RTTN: variants seen among roughly 807,000 people sequenced by gnomAD.
RTTN encodes the protein rotatin.
Under a neutral mutation model 269.2 loss-of-function variants are expected in RTTN, and 182 were observed. That is an observed-to-expected ratio of 0.68 (90% CI 0.60 to 0.76). The LOEUF is 0.76. Among genes scored for constraint, RTTN ranks in the 30% least tolerant of loss-of-function variants. The probability of loss-of-function intolerance (pLI) is 0.00; values close to 1 mark genes in which losing one functional copy is unlikely to be tolerated. For missense variants in RTTN, 2,545 were observed against 2,608.6 expected, an observed-to-expected ratio of 0.98 and a Z score of 0.53; for synonymous variants, 1,006 against 963.5, an observed-to-expected ratio of 1.04 and a Z score of -0.82.
rs1172875915 is a variant in RTTN, at chr18:70,005,391, G to C, written c.6526-124C>G. On this transcript the variant is annotated intron_variant, in intron 47 of 48. Coordinates refer to ENST00000640769, the MANE Select transcript of RTTN (RefSeq NM_173630.4). ...ATTATGAAATATAATAATATAACTA[G>C]AGAGTTCCATCTTAGCATAATACAT... 5.1e-6 allele frequency: 3 copies of C among 587,624 alleles called. No homozygotes were observed. In the East Asian group the frequency reaches 9.1e-5, roughly 18 times the overall value. The allele number at this position is 587,624 out of a possible 1,614,324, so 36.4% of individuals were successfully genotyped here. A position where few individuals can be genotyped will look rare whatever the true frequency, so the allele number is the denominator to read the frequency against.
At chr18:70,188,320 G>A in intron 9 of RTTN, 97 bp from the exon 10 acceptor site, 1 of 674,392 alleles carries the variant, frequency 1.5e-6, no homozygotes, top group Non-Finnish European at 2.6e-6. Flanking sequence ...AGTTAGTCAT[G>A]CTCCAACATT....
chr18:70,202,096 T>A, intron 3 of RTTN, 113 bp from the exon 4 acceptor site: 1 of 605,348 alleles, frequency 1.7e-6, no homozygotes. Context: ...TTTTAAAAAT[T>A]AAAAAAAAGT....
chr18:70,105,369 T>C (rs1599571920), intron 28 of RTTN, among the ~76,000 whole-genome samples: 1 of 152,220 alleles, frequency 6.6e-6, no homozygotes, highest in South Asian at 2.1e-4. Flanking sequence ...AGGGTGGAAG[T>C]GTCCCAATTT....
intron 20 of RTTN, 179 bp from the exon 21 acceptor site, chr18:70,139,895 A>G (rs141477580): frequency 2.0e-4 from 127 of 620,632 alleles, no homozygotes; most frequent in Middle Eastern, 1.4e-3. Flanking sequence ...ATATACTTCT[A>G]TCACCTATCT....
chr18:70,101,911 T>C, intron 28 of RTTN, among the ~76,000 whole-genome samples: 1 of 152,242 alleles, frequency 6.6e-6, no homozygotes, highest in South Asian at 2.1e-4. Flanking sequence ...TAATCCTGAG[T>C]TCCAGTTTGA....
intron 3 of RTTN, among the ~76,000 whole-genome samples, chr18:70,202,280 A>G (rs2061973814): frequency 6.6e-6 from 1 of 152,170 alleles, no homozygotes; most frequent in Non-Finnish European, 1.5e-5. Flanking sequence ...ATCCCTCTCT[A>G]CTTCCTAATC....
intron 30 of RTTN, among the ~76,000 whole-genome samples, chr18:70,089,534 C>G (rs1342390840): frequency 1.3e-5 from 2 of 152,134 alleles, no homozygotes; most frequent in African/African-American, 4.8e-5. Flanking sequence ...GGGGATGCTG[C>G]TGAAACAAAT....
intron 10 of RTTN, among the ~76,000 whole-genome samples, chr18:70,182,802 A>G (rs1486232571): frequency 6.6e-6 from 1 of 152,188 alleles, no homozygotes; most frequent in East Asian, 1.9e-4. Flanking sequence ...AATATTACTT[A>G]TCAAAACACT....
chr18:70,073,590 A>C (rs770379756), intron 34 of RTTN, among the ~76,000 whole-genome samples: 6 of 152,170 alleles, frequency 3.9e-5, no homozygotes, highest in Non-Finnish European at 8.8e-5. Context: ...TCTCAACTAA[A>C]GGGATATTCA....
At chr18:70,168,489 A>C (rs1330521344) in intron 12 of RTTN, among the ~76,000 whole-genome samples, 1 of 152,194 alleles carries the variant, frequency 6.6e-6, no homozygotes, top group Non-Finnish European at 1.5e-5. Context: ...AAATATGTCT[A>C]CAAGTAAGCA....
At chr18:70,202,554 C>A (rs1031273324) in intron 3 of RTTN, among the ~76,000 whole-genome samples, 1 of 152,182 alleles carries the variant, frequency 6.6e-6, no homozygotes, top group Non-Finnish European at 1.5e-5. Context: ...AGCCCTAAAC[C>A]ATTCCTCTAC....
intron 47 of RTTN, 177 bp from the exon 48 acceptor site, chr18:70,005,444 C>G (rs567871126): frequency 6.0e-4 from 259 of 434,050 alleles, no homozygotes; most frequent in Middle Eastern, 1.2e-3. Context: ...CTTGCACATT[C>G]TGAAGTCTTG....
chr18:70,011,608 T>C (rs1339074903), intron 46 of RTTN, among the ~76,000 whole-genome samples: 1 of 152,218 alleles, frequency 6.6e-6, no homozygotes, highest in Non-Finnish European at 1.5e-5. Flanking sequence ...AAGAGCTATT[T>C]ATGACAAACC....
intron 10 of RTTN, among the ~76,000 whole-genome samples, chr18:70,183,964 T>TA (rs112514206): frequency 0.012 from 1,890 of 152,268 alleles, 23 homozygotes; most frequent in South Asian, 0.039. Flanking sequence ...GACAAGATCT[T>TA]ACTTTGTTGC....
In RTTN at chr18:70,190,601, G is replaced by T; in HGVS notation, c.1126C>A (p.Gln376Lys). ...ACACAAAACTGGGGAAGACTGAGCTGCTGGAATTGTAGTTCCAATGTGTCT... is the reference window on the plus strand; with the variant it reads ...ACACAAAACTGGGGAAGACTGAGCTTCTGGAATTGTAGTTCCAATGTGTCT... ...TEDTLELQFQ[Q>K]LSLPQFCVSI... The change falls in exon 9 of 49, where the codon CAG becomes AAG. Residue 376 changes from glutamine to lysine, a missense_variant. By Grantham distance (53) the Gln-to-Lys change is moderately conservative. Transcript: ENST00000640769. 6.2e-7 allele frequency: 1 copy of T among 1,613,844 alleles called. No homozygotes were observed. Among genetic ancestry groups the T allele is most frequent in the Non-Finnish European group, 8.5e-7 (1 of 1,179,728 alleles).
intron 26 of RTTN, among the ~76,000 whole-genome samples, chr18:70,115,553 T>G (rs2059583760): frequency 6.6e-6 from 1 of 151,956 alleles, no homozygotes; most frequent in Non-Finnish European, 1.5e-5. Flanking sequence ...TCATTTGACT[T>G]TTTGAATAAA....
intron 33 of RTTN, 27 bp downstream of exon 33, chr18:70,075,325 A>G: frequency 6.9e-7 from 1 of 1,448,430 alleles, no homozygotes; most frequent in Non-Finnish European, 9.3e-7. Context: ...TATTACAAAA[A>G]TAAAAATACA....
intron 26 of RTTN, among the ~76,000 whole-genome samples, chr18:70,118,110 GAAGAT>G (rs1391482955): frequency 6.6e-6 from 1 of 151,746 alleles, no homozygotes; most frequent in Non-Finnish European, 1.5e-5. Flanking sequence ...AGAAAACAAT[GAAGAT>G]AAGGGCAGAT....
At chr18:70,201,399 G>C (rs192566299) in intron 4 of RTTN, among the ~76,000 whole-genome samples, 1 of 151,454 alleles carries the variant, frequency 6.6e-6, no homozygotes, top group Non-Finnish European at 1.5e-5. Flanking sequence ...TCAGGAGATC[G>C]AGACCATCCC....
Sources: allele counts gnomAD v4.1 joint callset (sites outside exome capture counted in the v4.1 genomes callset), GRCh38; gene constraint gnomAD v4.1.1; transcripts MANE v1.5; gene names NCBI Gene and HGNC (gene_info 2026-07-23, HGNC 2026-07-21).